Variants in PROS1 observed in about 807,000 individuals in gnomAD.
PROS1 encodes the protein protein S.
PROS1 carries 29 observed loss-of-function variants against 75.9 expected under a neutral mutation model. The ratio of observed to expected loss-of-function variants is 0.38; its 90% CI spans 0.28 to 0.52. PROS1 has a LOEUF of 0.52. PROS1 is among the 20% of genes least tolerant of loss of function. PROS1 has a pLI of 0.83. For missense variants in PROS1, 680 were observed against 810.3 expected (o/e 0.84, Z 1.95); for synonymous variants, 245 against 280.6 (o/e 0.87, Z 1.27).
At chr3:93,970,532 G>A (rs546223500) in intron 1 of PROS1, among the ~76,000 whole-genome samples, 2 of 151,594 alleles carry the variant, frequency 1.3e-5, no homozygotes, top group East Asian at 2.0e-4. Flanking sequence ...TTGTAAAGAC[G>A]GGGTCCCACT....
In PROS1 at chr3:93,884,721, C is replaced by T. The variant is rs1708321490; in HGVS notation, c.1492+7G>A. 2 of 1,608,630 alleles carry T rather than the reference C, an allele frequency of 1.2e-6. No individual in the cohort carries two copies. Among genetic ancestry groups the T allele is most frequent in the African/African-American group, 1.3e-5 (1 of 74,744 alleles). ...GAGAAAATAGAGATAAATGGAAAAT[C>T]ACTTACTATAATCTATGTGAAATTG... On this transcript the variant is annotated splice_region_variant and intron_variant, in intron 12 of 14. Coordinates refer to ENST00000394236, the MANE Select transcript of PROS1 (RefSeq NM_000313.4).
chr3:93,951,792 G>T (rs1709502681), intron 1 of PROS1, among the ~76,000 whole-genome samples: 1 of 152,146 alleles, frequency 6.6e-6, no homozygotes, highest in Non-Finnish European at 1.5e-5. Context: ...CTGGCAAATT[G>T]GATAAAGAGT....
chr3:93,963,299 C>G (rs908451761), intron 1 of PROS1, among the ~76,000 whole-genome samples: 1 of 152,158 alleles, frequency 6.6e-6, no homozygotes, highest in African/African-American at 2.4e-5. Context: ...AAGCGGGATG[C>G]TGTCTTTTCC....
Position 93,895,908 on chromosome 3 carries a change from G to A in PROS1, c.965+668C>T, listed in dbSNP as rs372716972. Among the ~76,000 whole-genome samples, 12 of 152,238 alleles carry A rather than the reference G, an allele frequency of 7.9e-5. No homozygotes were observed. In the East Asian group the frequency reaches 1.7e-3, roughly 22 times the overall value. ...TGACCTGGGAGGCGAAGGTTGCAGT[G>A]AGCCGAGATTGCGCCACTGCACTCC... On this transcript the variant is annotated intron_variant, in intron 9 of 14. Transcript: ENST00000394236.
intron 3 of PROS1, among the ~76,000 whole-genome samples, chr3:93,918,179 G>T (rs895914650): frequency 1.3e-5 from 2 of 152,134 alleles, no homozygotes; most frequent in African/African-American, 4.8e-5. Context: ...CAGGGTTTGT[G>T]AATACACCAA....
At position 93,912,621 on chromosome 3, in the gene PROS1, T is replaced by C. The variant is rs79950666; in HGVS notation, c.260-1916A>G. On this transcript the variant is annotated intron_variant, in intron 3 of 14. Coordinates refer to ENST00000394236, the MANE Select transcript of PROS1 (RefSeq NM_000313.4). ...TAACAAAATACCACAGACGGGCTAATTTATTAAAGAAAGAAATTTACTTCT... is the reference window on the plus strand; with the variant it reads ...TAACAAAATACCACAGACGGGCTAACTTATTAAAGAAAGAAATTTACTTCT... 6.9e-3 allele frequency among the ~76,000 whole-genome samples: 1,058 copies of C among 152,260 alleles called. 9 individuals carry two copies. Among genetic ancestry groups the C allele is most frequent in the African/African-American group, 0.024 (994 of 41,550 alleles).
chr3:93,910,774 A>ACTGTCCCAAGAGGTAGGAC, intron 3 of PROS1, 69 bp from the exon 4 acceptor site: 1 of 1,310,728 alleles, frequency 7.6e-7, no homozygotes, highest in Middle Eastern at 2.0e-4. Flanking sequence ...CATGGTAGGA[A>ACTGTCCCAAGAGGTAGGAC]CTGTCCCAAG....
At chr3:93,963,441 A>G (rs1245046787) in intron 1 of PROS1, among the ~76,000 whole-genome samples, 1 of 152,144 alleles carries the variant, frequency 6.6e-6, no homozygotes, top group Non-Finnish European at 1.5e-5. Flanking sequence ...AAACCCCCTC[A>G]TTGGTCTCAT....
At chr3:93,953,728 G>A (rs1252277452) in intron 1 of PROS1, among the ~76,000 whole-genome samples, 1 of 152,100 alleles carries the variant, frequency 6.6e-6, no homozygotes, top group Non-Finnish European at 1.5e-5. Flanking sequence ...TCTGGCCAGG[G>A]CAATCAGGCA....
chr3:93,930,473 T>A (rs1293606161), intron 1 of PROS1, among the ~76,000 whole-genome samples: 1 of 152,234 alleles, frequency 6.6e-6, no homozygotes, highest in Non-Finnish European at 1.5e-5. Flanking sequence ...AAATCAAGGT[T>A]AAATGCACTT....
chr3:93,891,624 G>A (rs1398122525), intron 10 of PROS1, among the ~76,000 whole-genome samples: 2 of 152,112 alleles, frequency 1.3e-5, no homozygotes, highest in African/African-American at 4.8e-5. Context: ...TGGTCAGGCT[G>A]CTCTCGAACT....
intron 1 of PROS1, chr3:93,928,736 G>A (rs1170006449): frequency 1.5e-6 from 2 of 1,295,604 alleles, no homozygotes; most frequent in Non-Finnish European, 2.0e-6. Context: ...ATCCAGATAA[G>A]CCGACCAATA....
intron 1 of PROS1, among the ~76,000 whole-genome samples, chr3:93,937,786 GTATAAAACAA>G (rs1351042536): frequency 2.0e-5 from 3 of 152,192 alleles, no homozygotes; most frequent in African/African-American, 4.8e-5. Context: ...CAGGTACTTA[GTATAAAACAA>G]TATAAAACAA....
At chr3:93,890,969 G>GA (rs1708423351) in intron 10 of PROS1, among the ~76,000 whole-genome samples, 1 of 152,062 alleles carries the variant, frequency 6.6e-6, no homozygotes, top group Non-Finnish European at 1.5e-5. Context: ...CCTGGGCATG[G>GA]TGTCAGGCAC....
chr3:93,938,348 T>C (rs771673433), intron 1 of PROS1, among the ~76,000 whole-genome samples: 36 of 152,164 alleles, frequency 2.4e-4, no homozygotes, highest in Non-Finnish European at 4.1e-4. Context: ...CTGACTCTCT[T>C]TTTGGACTCA....
chr3:93,919,544 G>A (rs771254517), intron 3 of PROS1, among the ~76,000 whole-genome samples: 1 of 151,616 alleles, frequency 6.6e-6, no homozygotes, highest in Non-Finnish European at 1.5e-5. Flanking sequence ...GACAGAGACA[G>A]ATCTGTCATT....
At chr3:93,942,201 T>C (rs1709299212) in intron 1 of PROS1, among the ~76,000 whole-genome samples, 1 of 152,272 alleles carries the variant, frequency 6.6e-6, no homozygotes, top group Middle Eastern at 3.4e-3. Context: ...GCTACCGCTC[T>C]GCCCCCCTCC....
chr3:93,916,149 G>C (rs1183856609), intron 3 of PROS1, among the ~76,000 whole-genome samples: 1 of 152,126 alleles, frequency 6.6e-6, no homozygotes, highest in Non-Finnish European at 1.5e-5. Flanking sequence ...GATAGAGAGG[G>C]GAAGGGAGCC....
chr3:93,879,454 T>C (rs1430583206), intron 12 of PROS1, 140 bp from the exon 13 acceptor site: 37 of 1,223,846 alleles, frequency 3.0e-5, no homozygotes, highest in Non-Finnish European at 4.0e-5. Flanking sequence ...ATGATCTATA[T>C]AACCTAGGCA....
Sources: allele counts gnomAD v4.1 joint callset (sites outside exome capture counted in the v4.1 genomes callset), GRCh38; gene constraint gnomAD v4.1.1; transcripts MANE v1.5; gene names NCBI Gene and HGNC (gene_info 2026-07-23, HGNC 2026-07-21).